KIAA1958: variants seen among roughly 807,000 people sequenced by gnomAD.
KIAA1958 encodes uncharacterized protein KIAA1958.
KIAA1958 carries 14 observed loss-of-function variants against 47.2 expected under a neutral mutation model. The observed-to-expected ratio is 0.30, with a 90% CI of 0.20 to 0.46. KIAA1958 has a LOEUF of 0.46. KIAA1958 is among the 20% of genes least tolerant of loss of function. The pLI is 1.00. For synonymous variants in KIAA1958, 354 were observed against 353.3 expected, an observed-to-expected ratio of 1.00 and a Z score of -0.02; for missense variants, 803 against 909.2, an observed-to-expected ratio of 0.88 and a Z score of 1.50.
At chr9:112,568,035 T>G (rs1835457631) in intron 1 of KIAA1958, among the ~76,000 whole-genome samples, 1 of 152,016 alleles carries the variant, frequency 6.6e-6, no homozygotes, top group Non-Finnish European at 1.5e-5. Flanking sequence ...ATTTTACATT[T>G]TTAAAAATTT....
chr9:112,630,293 A>G (rs1224424039), intron 2 of KIAA1958, among the ~76,000 whole-genome samples: 1 of 152,024 alleles, frequency 6.6e-6, no homozygotes, highest in African/African-American at 2.4e-5. Context: ...TCTGTTGGCC[A>G]TTTTTCTTTA....
intron 3 of KIAA1958, 23 bp downstream of exon 3, chr9:112,645,845 T>C: frequency 6.2e-7 from 1 of 1,605,140 alleles, no homozygotes; most frequent in Non-Finnish European, 8.5e-7. Context: ...TGAGTTTACT[T>C]CTTTCAGCCA....
At chr9:112,565,814 G>A (rs958444373) in intron 1 of KIAA1958, among the ~76,000 whole-genome samples, 1 of 152,124 alleles carries the variant, frequency 6.6e-6, no homozygotes, top group African/African-American at 2.4e-5. Context: ...TCATTTTATG[G>A]TACTCAAAGT....
chr9:112,602,439 T>A (rs1282818129), intron 2 of KIAA1958, among the ~76,000 whole-genome samples: 2 of 152,170 alleles, frequency 1.3e-5, no homozygotes, highest in African/African-American at 2.4e-5. Context: ...TTGATTTCTT[T>A]CAGATGAATG....
intron 1 of KIAA1958, among the ~76,000 whole-genome samples, chr9:112,499,688 C>CTTTTTTTT (rs917810043): frequency 1.5e-5 from 2 of 130,502 alleles, no homozygotes; most frequent in African/African-American, 2.8e-5. Flanking sequence ...ACATTTTTTT[C>CTTTTTTTT]TTTTTTTTTT....
At chr9:112,632,936 A>G (rs1386289387) in intron 2 of KIAA1958, among the ~76,000 whole-genome samples, 2 of 147,580 alleles carry the variant, frequency 1.4e-5, no homozygotes, top group African/African-American at 5.0e-5. Context: ...AAAAAGAGCC[A>G]TTTAGATATG....
At chr9:112,511,521 TAAAG>T (rs1326474322) in intron 1 of KIAA1958, among the ~76,000 whole-genome samples, 1 of 152,148 alleles carries the variant, frequency 6.6e-6, no homozygotes, top group East Asian at 1.9e-4. Context: ...CTAAGCTACA[TAAAG>T]AAGTGAGGAG....
intron 2 of KIAA1958, among the ~76,000 whole-genome samples, chr9:112,602,798 A>G (rs1293254073): frequency 1.3e-5 from 2 of 152,180 alleles, no homozygotes; most frequent in Non-Finnish European, 2.9e-5. Flanking sequence ...CTAACAAAGA[A>G]TAAGGTGATT....
chr9:112,634,023 T>G (rs1354935187), intron 2 of KIAA1958, among the ~76,000 whole-genome samples: 1 of 152,342 alleles, frequency 6.6e-6, no homozygotes, highest in Middle Eastern at 3.4e-3. Flanking sequence ...AATTGGTGTG[T>G]GTTCAACTGT....
At chr9:112,624,684 T>G (rs10739368) in intron 2 of KIAA1958, among the ~76,000 whole-genome samples, 1 of 151,892 alleles carries the variant, frequency 6.6e-6, no homozygotes, top group African/African-American at 2.4e-5. Context: ...GCTTGAAAAA[T>G]TTTTTTTAAT....
chr9:112,602,882 A>T (rs1485893486), intron 2 of KIAA1958, among the ~76,000 whole-genome samples: 1 of 152,184 alleles, frequency 6.6e-6, no homozygotes, highest in African/African-American at 2.4e-5. Flanking sequence ...TTCTAAATAC[A>T]ATCAGTATGG....
intron 2 of KIAA1958, among the ~76,000 whole-genome samples, chr9:112,644,345 G>T (rs1391241563): frequency 6.6e-6 from 1 of 152,166 alleles, no homozygotes; most frequent in Non-Finnish European, 1.5e-5. Context: ...GAAAGGTGAG[G>T]TGAGGGAGGT....
At position 112,662,404 on chromosome 9, in the gene KIAA1958, G is replaced by A. The variant is rs1026960638; in HGVS notation, c.*2335G>A. ...ACTAGGTACTTTATTATGCATTTAT[G>A]TATATGTGTGTGTGTCTGTGTATAC... On this transcript the variant is annotated 3_prime_UTR_variant, in exon 4 of 4. Coordinates refer to ENST00000337530, the MANE Select transcript of KIAA1958 (RefSeq NM_133465.4). 1 of 152,190 alleles carries A rather than the reference G, an allele frequency of 6.6e-6. No individual in the cohort carries two copies. Among genetic ancestry groups the A allele is most frequent in the African/African-American group, 2.4e-5 (1 of 41,438 alleles). 9.4% of individuals were successfully genotyped at this position (152,190 alleles called of 1,614,324 possible).
intron 2 of KIAA1958, among the ~76,000 whole-genome samples, chr9:112,621,352 G>GT (rs1461599852): frequency 6.6e-6 from 1 of 152,008 alleles, no homozygotes; most frequent in African/African-American, 2.4e-5. Flanking sequence ...AAACTCTAAT[G>GT]TTTAAAAAAA....
At position 112,603,338 on chromosome 9, in the gene KIAA1958, T is replaced by A. The variant is rs151071565; in HGVS notation, c.1171+28087T>A. ...AAAAACATTTCATGTGGCTATCCCA[T>A]TGGTCTAGCTTTATTCCCCTACCCC... On this transcript the variant is annotated intron_variant, in intron 2 of 3. Coordinates refer to ENST00000337530, the MANE Select transcript of KIAA1958 (RefSeq NM_133465.4). Among the ~76,000 whole-genome samples, 462 of 152,306 alleles carry A rather than the reference T, an allele frequency of 3.0e-3. 3 individuals are homozygous for A. Among genetic ancestry groups the A allele is most frequent in the African/African-American group, 0.011 (442 of 41,562 alleles).
intron 2 of KIAA1958, chr9:112,617,725 T>C (rs1836431040): frequency 6.1e-6 from 4 of 658,140 alleles, no homozygotes; most frequent in Non-Finnish European, 1.0e-5. Flanking sequence ...GTGACAGGTA[T>C]GTAAATAACA....
At chr9:112,511,646 C>T (rs1453430088) in intron 1 of KIAA1958, among the ~76,000 whole-genome samples, 1 of 152,064 alleles carries the variant, frequency 6.6e-6, no homozygotes, top group Non-Finnish European at 1.5e-5. Flanking sequence ...ACTAAACAAA[C>T]AGCAAATGAC....
intron 2 of KIAA1958, among the ~76,000 whole-genome samples, chr9:112,600,017 C>T (rs886381168): frequency 1.1e-4 from 16 of 152,132 alleles, no homozygotes; most frequent in South Asian, 1.0e-3. Flanking sequence ...GCTGCTAAGC[C>T]GGCAAATGCA....
intron 2 of KIAA1958, among the ~76,000 whole-genome samples, chr9:112,584,076 A>G (rs1271933674): frequency 6.6e-6 from 1 of 152,024 alleles, no homozygotes; most frequent in African/African-American, 2.4e-5. Flanking sequence ...AAAAAAAAAA[A>G]TCTGAGTGAT....
Sources: allele counts gnomAD v4.1 joint callset (sites outside exome capture counted in the v4.1 genomes callset), GRCh38; gene constraint gnomAD v4.1.1; transcripts MANE v1.5; gene names NCBI Gene and HGNC (gene_info 2026-07-23, HGNC 2026-07-21).